Variants in SLC43A2 observed in about 807,000 individuals in gnomAD.
SLC43A2 encodes the protein large neutral amino acids transporter small subunit 4.
In SLC43A2, 38 loss-of-function variants were observed where a neutral mutation model predicts 63.2. That is an observed-to-expected ratio of 0.60 (90% CI 0.46 to 0.79). The LOEUF (loss-of-function observed/expected upper bound fraction) is 0.79. Among genes scored for constraint, SLC43A2 ranks in the 30% least tolerant of loss-of-function variants. The pLI is 0.00. For synonymous variants in SLC43A2, 322 were observed against 331.0 expected (o/e 0.97, Z 0.30); for missense variants, 644 against 756.2 (o/e 0.85, Z 1.74).
intron 5 of SLC43A2, among the ~76,000 whole-genome samples, chr17:1,599,005 C>G (rs1033779867): frequency 8.5e-5 from 13 of 152,234 alleles, no homozygotes; most frequent in African/African-American, 2.9e-4. Flanking sequence ...AGGTAGCCTT[C>G]AAACCAACAC....
chr17:1,609,412 G>T (rs1348788411), intron 5 of SLC43A2, among the ~76,000 whole-genome samples: 2 of 152,162 alleles, frequency 1.3e-5, no homozygotes, highest in African/African-American at 4.8e-5. Context: ...ATACTGGTCA[G>T]GCTGGTCTCG....
intron 5 of SLC43A2, among the ~76,000 whole-genome samples, chr17:1,597,080 G>T (rs1905357458): frequency 6.6e-6 from 1 of 152,130 alleles, no homozygotes. Flanking sequence ...GCGAGGTATG[G>T]TGGAACATGC....
At chr17:1,608,106 C>T (rs1906784134) in intron 5 of SLC43A2, among the ~76,000 whole-genome samples, 1 of 152,168 alleles carries the variant, frequency 6.6e-6, no homozygotes, top group Non-Finnish European at 1.5e-5. Context: ...CAGCCACAGA[C>T]AGGAGCAAAC....
chr17:1,598,073 C>T (rs559428766), intron 5 of SLC43A2, among the ~76,000 whole-genome samples: 2 of 152,156 alleles, frequency 1.3e-5, no homozygotes, highest in Non-Finnish European at 2.9e-5. Context: ...TCTGCTTATG[C>T]GGAAGGAGGG....
chr17:1,587,357 T>C (rs563038669), intron 9 of SLC43A2, among the ~76,000 whole-genome samples: 1 of 152,342 alleles, frequency 6.6e-6, no homozygotes, highest in East Asian at 1.9e-4. Flanking sequence ...GAAGCGGCTC[T>C]GTCACATCTA....
intron 10 of SLC43A2, chr17:1,585,271 T>TGC (rs1268727241): frequency 9.9e-7 from 1 of 1,005,732 alleles, no homozygotes; most frequent in Non-Finnish European, 1.2e-6. Context: ...GAGACAGTCT[T>TGC]GCTCTGTTGC....
chr17:1,585,835 T>G (rs747726540), intron 10 of SLC43A2, 78 bp downstream of exon 10: 2 of 1,607,614 alleles, frequency 1.2e-6, no homozygotes, highest in African/African-American at 2.7e-5. Context: ...CCACCCACCC[T>G]GTGCCTGACA....
At position 1,591,657 on chromosome 17, in the gene SLC43A2, C is replaced by A; in HGVS notation, c.637G>T (p.Val213Phe). The change falls in exon 7 of 14, where the codon GTC becomes TTC. Residue 213 changes from valine to phenylalanine, a missense_variant. This residue lies in a region of SLC43A2 where 528 missense variants were observed against 623.6 expected (regional missense o/e 0.85). Coordinates refer to ENST00000301335, the MANE Select transcript of SLC43A2 (RefSeq NM_152346.3). ...AGVSFIVVLV[V>F]WAGCSGLVFL... ...ACCAGCCCGGAGCAGCCGGCCCAGA[C>A]CACGAGGACGACGATGAAGGAGACA... 1 of 1,548,130 alleles carries A rather than the reference C, an allele frequency of 6.5e-7. No individual in the cohort carries two copies. Among genetic ancestry groups the A allele is most frequent in the Non-Finnish European group, 8.7e-7 (1 of 1,146,552 alleles).
intron 10 of SLC43A2, 105 bp downstream of exon 10, chr17:1,585,808 T>G: frequency 6.2e-7 from 1 of 1,603,632 alleles, no homozygotes; most frequent in South Asian, 1.1e-5. Flanking sequence ...TGGAGTGCAT[T>G]GCTCTCTCCC....
chr17:1,616,221 A>T (rs1274423376), intron 3 of SLC43A2: 2 of 284,690 alleles, frequency 7.0e-6, no homozygotes, highest in Non-Finnish European at 1.3e-5. Flanking sequence ...CAGCTTCGTA[A>T]CAAGGTTTGA....
At position 1,604,854 on chromosome 17, in the gene SLC43A2, A is replaced by G. The variant is rs886391479; in HGVS notation, c.501+8341T>C. 4 of 1,535,682 alleles carry G rather than the reference A, an allele frequency of 2.6e-6. No individual in the cohort carries two copies. In the South Asian group the frequency reaches 3.6e-5, roughly 14 times the overall value. ...TCCTGACATCTGGGTCACTCCCCAC[A>G]TTCCCCCTCTCGCTCACTCCGTCCC... On this transcript the variant is annotated intron_variant, in intron 5 of 13. Transcript: ENST00000301335.
At chr17:1,615,803 G>A (rs11654602) in intron 3 of SLC43A2, among the ~76,000 whole-genome samples, 71,296 of 142,960 alleles carry the variant, frequency 0.5, 19,679 homozygotes, top group Non-Finnish European at 0.64. Context: ...AGATCGCGCC[G>A]CTGCACTCTA....
chr17:1,596,679 A>G (rs541744513), intron 5 of SLC43A2, among the ~76,000 whole-genome samples: 8 of 152,056 alleles, frequency 5.3e-5, no homozygotes, highest in Admixed American at 6.6e-5. Context: ...TCCTGGGTTC[A>G]TGCCATTCTC....
intron 5 of SLC43A2, among the ~76,000 whole-genome samples, chr17:1,602,448 C>G (rs1906145905): frequency 6.6e-6 from 1 of 152,162 alleles, no homozygotes; most frequent in South Asian, 2.1e-4. Flanking sequence ...GGGTTTGAGA[C>G]CAGCCTGGCC....
rs1011387410 is a variant in SLC43A2 at position 1,575,302 on chromosome 17, C to T, written c.*302G>A. Reference sequence around the variant, plus strand: ...AATCCAGACACTGGCGGGAGAGCGCCTGCCTGCCGGGCGTTCCTGGCTCCT... The same window carrying T: ...AATCCAGACACTGGCGGGAGAGCGCTTGCCTGCCGGGCGTTCCTGGCTCCT... On this transcript the variant is annotated 3_prime_UTR_variant, in exon 14 of 14. Transcript: ENST00000301335. 1.2e-5 allele frequency: 6 copies of T among 487,502 alleles called. No individual in the cohort carries two copies. The highest frequency in any genetic ancestry group is 2.2e-5 in the Non-Finnish European group (6 of 270,236). 30.2% of individuals were successfully genotyped at this position (487,502 alleles called of 1,614,324 possible).
chr17:1,594,198 C>T (rs949470490), intron 5 of SLC43A2, among the ~76,000 whole-genome samples: 5 of 152,212 alleles, frequency 3.3e-5, no homozygotes, highest in African/African-American at 9.7e-5. Flanking sequence ...CAGTTAGCAT[C>T]CTGGAAGGCC....
Position 1,606,754 on chromosome 17 carries a change from A to G in SLC43A2, c.501+6441T>C, listed in dbSNP as rs9893867. On this transcript the variant is annotated intron_variant, in intron 5 of 13. Coordinates refer to ENST00000301335, the MANE Select transcript of SLC43A2 (RefSeq NM_152346.3). This position sits in a 1 kb window ranked among gnomAD's most constrained non-coding sequence, Gnocchi z 4.7. Reference sequence around the variant, plus strand: ...GAGGCTGAGGATCCACACCGTGGGGAGTGCTCTGCCCCCATGGAGTGACCT... The same window carrying G: ...GAGGCTGAGGATCCACACCGTGGGGGGTGCTCTGCCCCCATGGAGTGACCT... Among the ~76,000 whole-genome samples the G allele has an allele frequency of 0.19, 29,139 of 152,196 alleles. 2,872 individuals are homozygous for G. The highest frequency in any genetic ancestry group is 0.22 in the South Asian group (1,083 of 4,824).
chr17:1,625,752 G>T (rs960529070), intron 2 of SLC43A2, among the ~76,000 whole-genome samples: 12 of 152,142 alleles, frequency 7.9e-5, no homozygotes, highest in African/African-American at 2.9e-4. Context: ...AAAATTGGAG[G>T]CAGGAGCAAA....
chr17:1,626,172 C>CTTT (rs35737749), intron 2 of SLC43A2, among the ~76,000 whole-genome samples: 4 of 134,550 alleles, frequency 3.0e-5, no homozygotes, highest in Admixed American at 7.6e-5. Context: ...TTTTTTTCTG[C>CTTT]TTTTTTTTTT....
Sources: allele counts gnomAD v4.1 joint callset (sites outside exome capture counted in the v4.1 genomes callset), GRCh38; gene constraint gnomAD v4.1.1; regional missense constraint gnomAD v4.1.1; non-coding constraint Gnocchi (gnomAD v3.1); transcripts MANE v1.5; gene names NCBI Gene and HGNC (gene_info 2026-07-23, HGNC 2026-07-21).